SCIMP: variants seen among roughly 807,000 people sequenced by gnomAD.
SCIMP encodes SLP adaptor and CSK interacting membrane protein.
SCIMP carries 18 observed loss-of-function variants against 22.0 expected under a neutral mutation model. The ratio of observed to expected loss-of-function variants is 0.82; its 90% CI spans 0.56 to 1.21. SCIMP has a LOEUF of 1.21. SCIMP is among the 50% of genes most tolerant of loss of function. The pLI, the probability that SCIMP is intolerant of heterozygous loss-of-function variation, is 0.00. For synonymous variants in SCIMP, 53 were observed against 62.2 expected, an observed-to-expected ratio of 0.85 and a Z score of 0.70; for missense variants, 155 against 171.2, an observed-to-expected ratio of 0.91 and a Z score of 0.53.
At position 5,221,274 on chromosome 17, in the gene SCIMP, C is replaced by T. The variant is rs1157733696; in HGVS notation, c.209+13G>A. On this transcript the variant is annotated intron_variant, in intron 3 of 4. Coordinates refer to ENST00000574081, the MANE Select transcript of SCIMP (RefSeq NM_207103.3). ...CTCAACAGTAAAAAGCGGAAGGATTCCCCCCTACTTACTCATACATCTTTT... is the reference window on the plus strand; with the variant it reads ...CTCAACAGTAAAAAGCGGAAGGATTTCCCCCTACTTACTCATACATCTTTT... 2 of 1,598,808 alleles carry T rather than the reference C, an allele frequency of 1.3e-6. No individual in the cohort carries two copies. Among genetic ancestry groups the T allele is most frequent in the South Asian group, 2.2e-5 (2 of 90,774 alleles).
chr17:5,226,805 G>A (rs1198572621), intron 1 of SCIMP, among the ~76,000 whole-genome samples: 21 of 151,872 alleles, frequency 1.4e-4, no homozygotes, highest in South Asian at 2.1e-4. Context: ...CACCACGCCC[G>A]GCCGACACAT....
intron 1 of SCIMP, among the ~76,000 whole-genome samples, chr17:5,232,400 TATAA>T (rs112301208): frequency 0.01 from 806 of 80,408 alleles, no homozygotes; most frequent in East Asian, 0.083. Context: ...GTATAAACAG[TATAA>T]ACAGTGCAAA....
intron 3 of SCIMP, among the ~76,000 whole-genome samples, chr17:5,220,775 C>T (rs2074600680): frequency 6.8e-6 from 1 of 148,050 alleles, no homozygotes; most frequent in Non-Finnish European, 1.5e-5. Context: ...ATAGAACTAC[C>T]AGGCGGGCCT....
intron 3 of SCIMP, among the ~76,000 whole-genome samples, chr17:5,216,347 A>G (rs1374324104): frequency 1.3e-5 from 2 of 152,152 alleles, no homozygotes; most frequent in Non-Finnish European, 2.9e-5. Context: ...AATATATACT[A>G]TATGATGCCA....
chr17:5,223,081 C>T (rs897769489), intron 2 of SCIMP, among the ~76,000 whole-genome samples: 2 of 152,140 alleles, frequency 1.3e-5, no homozygotes, highest in Non-Finnish European at 2.9e-5. Flanking sequence ...TCTGCTTTCA[C>T]CCAGATGATT....
At chr17:5,218,621 G>A (rs2074583192) in intron 3 of SCIMP, among the ~76,000 whole-genome samples, 1 of 152,164 alleles carries the variant, frequency 6.6e-6, no homozygotes, top group African/African-American at 2.4e-5. Context: ...TTACAGGTGT[G>A]AGCTGCTGCA....
At chr17:5,217,425 A>G (rs2074573455) in intron 3 of SCIMP, among the ~76,000 whole-genome samples, 1 of 150,354 alleles carries the variant, frequency 6.7e-6, no homozygotes, top group African/African-American at 2.5e-5. Context: ...TTTTATTATT[A>G]TTATACTTTA....
chr17:5,223,781 C>T (rs1040387438), intron 1 of SCIMP: 3 of 347,116 alleles, frequency 8.6e-6, no homozygotes, highest in African/African-American at 6.4e-5. Context: ...AACTCCTGAC[C>T]TCAGGTGATT....
Position 5,223,370 on chromosome 17 carries a change from G to A in SCIMP, c.108C>T (p.Leu36=). ...AIIVVSVGLG[L]ILYCVCKWQL... is the part of the protein sequence containing the mutation. ...GCCACTTACAGACACAGTACAGGAT[G>A]AGGCCCAGACCCACAGAGACAACGA... Residue 36 remains leucine, a synonymous_variant, in exon 2 of 5, where the codon CTC becomes CTT. Coordinates refer to ENST00000574081, the MANE Select transcript of SCIMP (RefSeq NM_207103.3). The A allele has an allele frequency of 1.2e-6, 2 of 1,613,880 alleles. No homozygotes were observed. Among genetic ancestry groups the A allele is most frequent in the Middle Eastern group, 1.7e-4 (1 of 6,060 alleles).
chr17:5,215,128 C>T (rs79013928), intron 3 of SCIMP, 130 bp from the exon 4 acceptor site: 65,133 of 630,192 alleles, frequency 0.1, 4,112 homozygotes, highest in Non-Finnish European at 0.14. Flanking sequence ...TAATTGGAAG[C>T]ATTTCCTTTC....
chr17:5,232,172 G>C (rs2074703120), intron 1 of SCIMP, among the ~76,000 whole-genome samples: 1 of 152,254 alleles, frequency 6.6e-6, no homozygotes, highest in Non-Finnish European at 1.5e-5. Context: ...GGATGGGCTG[G>C]CAAAGACATT....
chr17:5,214,115 G>A (rs2074546432), intron 4 of SCIMP: 2 of 152,224 alleles, frequency 1.3e-5, no homozygotes, highest in South Asian at 4.1e-4. Flanking sequence ...TGCAAGCCAG[G>A]AGGAGAACCC....
intron 1 of SCIMP, among the ~76,000 whole-genome samples, chr17:5,233,149 A>G (rs1175401736): frequency 1.3e-5 from 2 of 152,064 alleles, no homozygotes; most frequent in Non-Finnish European, 2.9e-5. Context: ...TCCCTTCTCT[A>G]TACTTTCACT....
intron 1 of SCIMP, among the ~76,000 whole-genome samples, chr17:5,231,322 T>C (rs1413357807): frequency 6.6e-6 from 1 of 151,014 alleles, no homozygotes; most frequent in Non-Finnish European, 1.5e-5. Context: ...ATCACGCCAT[T>C]GCACTCCAGC....
At chr17:5,219,551 C>G (rs1281350460) in intron 3 of SCIMP, among the ~76,000 whole-genome samples, 2 of 152,056 alleles carry the variant, frequency 1.3e-5, no homozygotes, top group Admixed American at 1.3e-4. Flanking sequence ...GCACTTGAAC[C>G]TGGGAGGCAG....
intron 3 of SCIMP, among the ~76,000 whole-genome samples, chr17:5,219,490 T>G (rs1190813267): frequency 6.6e-6 from 1 of 151,632 alleles, no homozygotes; most frequent in African/African-American, 2.4e-5. Flanking sequence ...TAGCTGGGCA[T>G]AGTGGCAGGT....
chr17:5,214,891 C>G (rs763109288), intron 4 of SCIMP, 34 bp downstream of exon 4: 8 of 927,270 alleles, frequency 8.6e-6, no homozygotes, highest in Admixed American at 1.9e-5. Flanking sequence ...TTATCTTACC[C>G]TAAATGAAAC....
chr17:5,222,716 G>A (rs2074617527), intron 2 of SCIMP, among the ~76,000 whole-genome samples: 1 of 152,022 alleles, frequency 6.6e-6, no homozygotes, highest in Non-Finnish European at 1.5e-5. Flanking sequence ...CCAGGCTGGA[G>A]TGCAGTGGCA....
At chr17:5,222,339 C>T (rs796184455) in intron 2 of SCIMP, among the ~76,000 whole-genome samples, 13 of 152,298 alleles carry the variant, frequency 8.5e-5, no homozygotes, top group African/African-American at 3.1e-4. Context: ...GGTCCACCCA[C>T]CTCAGCCTCC....
Sources: gnomAD v4.1 joint callset for allele counts (sites outside exome capture counted in the v4.1 genomes callset) on GRCh38, gnomAD v4.1.1 for gene constraint, MANE v1.5 for transcripts, NCBI Gene and HGNC (gene_info 2026-07-23, HGNC 2026-07-21) for gene names.